The following DYNC1I1 variants were observed in gnomAD, a reference collection of about 807,000 sequenced individuals.
DYNC1I1 encodes dynein cytoplasmic 1 intermediate chain 1, also known as cytoplasmic dynein 1 intermediate chain 1.
A neutral mutation model predicts 86.6 loss-of-function variants in DYNC1I1; 43 were observed. The ratio of observed to expected loss-of-function variants is 0.50; its 90% CI spans 0.39 to 0.64. The LOEUF (loss-of-function observed/expected upper bound fraction) is 0.64, where lower values mean the gene tolerates loss of function less well. Among genes scored for constraint, DYNC1I1 ranks in the 30% least tolerant of loss-of-function variants. The probability of loss-of-function intolerance (pLI) is 0.00; values close to 1 mark genes in which losing one functional copy is unlikely to be tolerated. For synonymous variants in DYNC1I1, 262 were observed against 283.7 expected, an observed-to-expected ratio of 0.92 and a Z score of 0.77; for missense variants, 604 against 788.8, an observed-to-expected ratio of 0.77 and a Z score of 2.81.
intron 14 of DYNC1I1, among the ~76,000 whole-genome samples, chr7:96,061,735 C>CACACACACACAT (rs34628726): frequency 6.7e-6 from 1 of 148,486 alleles, no homozygotes; most frequent in African/African-American, 2.5e-5. Context: ...CACACACACA[C>CACACACACACAT]GCACACAAAC....
At chr7:95,840,651 AC>A (rs1789256261) in intron 5 of DYNC1I1, among the ~76,000 whole-genome samples, 1 of 152,190 alleles carries the variant, frequency 6.6e-6, no homozygotes, top group South Asian at 2.1e-4. Flanking sequence ...ATTTTATAGA[AC>A]AACCACCTCT....
intron 1 of DYNC1I1, among the ~76,000 whole-genome samples, chr7:95,785,775 G>GTATATATATATATATA (rs200152096): frequency 8.0e-6 from 1 of 124,902 alleles, no homozygotes; most frequent in Admixed American, 8.5e-5. Context: ...GTGTGTATGT[G>GTATATATATATATATA]TATATATATA....
chr7:95,951,278 C>T (rs929818695), intron 6 of DYNC1I1, among the ~76,000 whole-genome samples: 2 of 152,126 alleles, frequency 1.3e-5, no homozygotes, highest in Non-Finnish European at 2.9e-5. Flanking sequence ...CTTAATATAG[C>T]TTTGGCCTTC....
intron 6 of DYNC1I1, among the ~76,000 whole-genome samples, chr7:95,928,049 A>C (rs1430801019): frequency 1.3e-5 from 2 of 152,232 alleles, no homozygotes; most frequent in African/African-American, 4.8e-5. Flanking sequence ...TGGTTTCAGC[A>C]GTTTGCTATC....
chr7:96,096,614 G>A (rs1311690832), intron 16 of DYNC1I1, among the ~76,000 whole-genome samples: 5 of 151,804 alleles, frequency 3.3e-5, no homozygotes, highest in African/African-American at 7.3e-5. Flanking sequence ...CCTTTAAAAC[G>A]ACTAACAAAA....
intron 6 of DYNC1I1, among the ~76,000 whole-genome samples, chr7:95,906,677 T>A (rs1424854556): frequency 6.6e-6 from 1 of 152,192 alleles, no homozygotes; most frequent in Non-Finnish European, 1.5e-5. Context: ...TGCTTATATT[T>A]ACTGGGGTGG....
At chr7:95,855,376 G>A (rs1789690926) in intron 5 of DYNC1I1, among the ~76,000 whole-genome samples, 1 of 152,012 alleles carries the variant, frequency 6.6e-6, no homozygotes, top group African/African-American at 2.4e-5. Flanking sequence ...TCCTCTCTTT[G>A]TCTTTGGTTT....
chr7:95,884,656 G>A lies in DYNC1I1; in HGVS notation c.490+14658G>A, dbSNP rs193021179. On this transcript the variant is annotated intron_variant, in intron 6 of 16. Coordinates refer to ENST00000447467, the MANE Select transcript of DYNC1I1 (RefSeq NM_001135556.2). Reference sequence around the variant, plus strand: ...GGATAATAGAGACAACAGCTTGGCCGGGCATGGTGGCTCACACCTGTAATC... The same window carrying A: ...GGATAATAGAGACAACAGCTTGGCCAGGCATGGTGGCTCACACCTGTAATC... 1.7e-3 allele frequency among the ~76,000 whole-genome samples: 255 copies of A among 152,160 alleles called. 3 individuals are homozygous for A. Among genetic ancestry groups the A allele is most frequent in the Admixed American group, 1.3e-3 (20 of 15,274 alleles).
chr7:95,826,443 G>GC (rs1288299734), intron 4 of DYNC1I1, among the ~76,000 whole-genome samples: 1 of 152,166 alleles, frequency 6.6e-6, no homozygotes, highest in Non-Finnish European at 1.5e-5. Context: ...GTTGCCATGT[G>GC]CTTTATAGGT....
chr7:96,026,143 A>G (rs2115948578), intron 10 of DYNC1I1, among the ~76,000 whole-genome samples: 1 of 152,260 alleles, frequency 6.6e-6, no homozygotes, highest in East Asian at 1.9e-4. Context: ...ATCATTATTG[A>G]GAGTTATTCT....
At chr7:96,042,443 A>G (rs1789078177) in intron 14 of DYNC1I1, among the ~76,000 whole-genome samples, 1 of 152,190 alleles carries the variant, frequency 6.6e-6, no homozygotes, top group Non-Finnish European at 1.5e-5. Context: ...TGTGCTCCCC[A>G]AATACAGCTT....
At chr7:96,028,139 A>G (rs753204180) in intron 10 of DYNC1I1, 36 bp from the exon 11 acceptor site, 4 of 1,604,358 alleles carry the variant, frequency 2.5e-6, no homozygotes, top group South Asian at 2.2e-5. Flanking sequence ...ACCATTTCAC[A>G]TTGCATCTCT....
intron 10 of DYNC1I1, among the ~76,000 whole-genome samples, chr7:96,027,266 A>G (rs1391751685): frequency 1.3e-5 from 2 of 152,208 alleles, no homozygotes; most frequent in Non-Finnish European, 2.9e-5. Flanking sequence ...ATTTAATTTA[A>G]TTAAGGCATG....
chr7:95,877,250 C>T (rs191298894), intron 6 of DYNC1I1, among the ~76,000 whole-genome samples: 1 of 152,212 alleles, frequency 6.6e-6, no homozygotes, highest in African/African-American at 2.4e-5. Flanking sequence ...TCCCTTTTTT[C>T]AGCCCAACAC....
At chr7:95,932,907 G>A (rs904870322) in intron 6 of DYNC1I1, among the ~76,000 whole-genome samples, 4 of 127,050 alleles carry the variant, frequency 3.1e-5, no homozygotes, top group African/African-American at 1.2e-4. Flanking sequence ...AGATGACAAT[G>A]TCTCACTCTA....
At chr7:95,820,471 A>G (rs920748045) in intron 4 of DYNC1I1, among the ~76,000 whole-genome samples, 9 of 152,214 alleles carry the variant, frequency 5.9e-5, no homozygotes, top group African/African-American at 2.4e-5. Context: ...CATAATCCCA[A>G]ACTGTTTGCA....
At chr7:95,982,296 A>G (rs1325109502) in intron 7 of DYNC1I1, among the ~76,000 whole-genome samples, 1 of 150,920 alleles carries the variant, frequency 6.6e-6, no homozygotes, top group Non-Finnish European at 1.5e-5. Flanking sequence ...TTAATATAAA[A>G]TGTATCTTTT....
At chr7:96,032,073 G>T (rs1043830909) in intron 11 of DYNC1I1, among the ~76,000 whole-genome samples, 3 of 152,006 alleles carry the variant, frequency 2.0e-5, no homozygotes, top group Non-Finnish European at 4.4e-5. Flanking sequence ...CCTAGATTTT[G>T]CAGTAACATA....
At chr7:95,988,521 A>G (rs1584229607) in intron 9 of DYNC1I1, among the ~76,000 whole-genome samples, 1 of 152,340 alleles carries the variant, frequency 6.6e-6, no homozygotes, top group East Asian at 1.9e-4. Context: ...AGTTGACAAT[A>G]TACCGGGCAC....
Sources: gnomAD v4.1 joint callset for allele counts (sites outside exome capture counted in the v4.1 genomes callset) on GRCh38, gnomAD v4.1.1 for gene constraint, MANE v1.5 for transcripts, NCBI Gene and HGNC (gene_info 2026-07-23, HGNC 2026-07-21) for gene names.